Variants in SH3D19 observed in about 807,000 individuals in gnomAD.
SH3D19 encodes SH3 domain containing 19.
Under a neutral mutation model 112.1 loss-of-function variants are expected in SH3D19, and 58 were observed. The observed-to-expected ratio is 0.52, with a 90% CI of 0.42 to 0.64. The LOEUF is 0.64. Ranked by LOEUF, SH3D19 falls within the 30% of genes least tolerant of loss-of-function variation. SH3D19 has a pLI of 0.00. For synonymous variants in SH3D19, 391 were observed against 448.5 expected (o/e 0.87, Z 1.62); for missense variants, 1,090 against 1,263.4 (o/e 0.86, Z 2.08).
At chr4:151,132,298 C>A in intron 17 of SH3D19, 33 bp downstream of exon 17, 4 of 1,591,886 alleles carry the variant, frequency 2.5e-6, no homozygotes, top group Non-Finnish European at 3.4e-6. Context: ...CTGAACCTGG[C>A]TGTCACTATA....
chr4:151,207,262 T>C (rs535412465), intron 2 of SH3D19, among the ~76,000 whole-genome samples: 2 of 152,274 alleles, frequency 1.3e-5, no homozygotes, highest in Admixed American at 6.5e-5. Flanking sequence ...GCCTAGAGAA[T>C]CTACAAGAGG....
intron 1 of SH3D19, among the ~76,000 whole-genome samples, chr4:151,269,063 G>T (rs1030832837): frequency 1.4e-4 from 21 of 152,250 alleles, no homozygotes; most frequent in South Asian, 4.1e-4. Context: ...ACCAACAGTG[G>T]AAAAGTGTTC....
intron 1 of SH3D19, chr4:151,291,341 C>T: frequency 6.2e-7 from 1 of 1,613,924 alleles, no homozygotes; most frequent in Non-Finnish European, 8.5e-7. Context: ...CTGCGTCCCT[C>T]CTGTGCCTTT....
At chr4:151,290,689 G>A (rs571359329) in intron 1 of SH3D19, among the ~76,000 whole-genome samples, 4 of 152,116 alleles carry the variant, frequency 2.6e-5, no homozygotes, top group Admixed American at 2.6e-4. Context: ...TGACAGTAAA[G>A]CTGTTACAAA....
At chr4:151,183,930 C>T (rs1761333413) in intron 3 of SH3D19, among the ~76,000 whole-genome samples, 1 of 152,292 alleles carries the variant, frequency 6.6e-6, no homozygotes, top group South Asian at 2.1e-4. Context: ...GTTTCACTAC[C>T]ACATGTAAAA....
chr4:151,310,733 G>A (rs1412881070), intron 1 of SH3D19, among the ~76,000 whole-genome samples: 1 of 151,450 alleles, frequency 6.6e-6, no homozygotes, highest in South Asian at 2.1e-4. Flanking sequence ...CACAACACCT[G>A]GCTAATTTTT....
chr4:151,152,849 T>C (rs1755329818), intron 9 of SH3D19, among the ~76,000 whole-genome samples: 1 of 151,670 alleles, frequency 6.6e-6, no homozygotes, highest in Non-Finnish European at 1.5e-5. Flanking sequence ...CATATATATA[T>C]ATTTGAGACG....
chr4:151,298,663 G>A (rs1728031011), intron 1 of SH3D19, among the ~76,000 whole-genome samples: 1 of 152,048 alleles, frequency 6.6e-6, no homozygotes, highest in Non-Finnish European at 1.5e-5. Context: ...TTTGAATCAT[G>A]GACCCTCTTC....
chr4:151,318,318 A>AAG (rs1554071328), intron 1 of SH3D19, among the ~76,000 whole-genome samples: 7 of 149,892 alleles, frequency 4.7e-5, no homozygotes, highest in African/African-American at 1.7e-4. Context: ...AAAAAAAAAA[A>AAG]AAAGAAAGAA....
intron 2 of SH3D19, among the ~76,000 whole-genome samples, chr4:151,202,586 G>T (rs1463747124): frequency 1.3e-5 from 2 of 152,140 alleles, no homozygotes; most frequent in Non-Finnish European, 2.9e-5. Flanking sequence ...TATGCCAACT[G>T]TTTCTTGCGT....
At chr4:151,272,763 C>CTT (rs548803369) in intron 1 of SH3D19, among the ~76,000 whole-genome samples, 7 of 142,738 alleles carry the variant, frequency 4.9e-5, no homozygotes, top group Non-Finnish European at 6.2e-5. Context: ...TTTCACTTTT[C>CTT]TTTTTTTTTT....
chr4:151,170,991 T>C lies in SH3D19; in HGVS notation c.1534+3679A>G, dbSNP rs117672312. Among the ~76,000 whole-genome samples, 24 of 152,358 alleles carry C rather than the reference T, an allele frequency of 1.6e-4. No homozygotes were observed. In the East Asian group the frequency reaches 4.2e-3, roughly 27 times the overall value. ...TTGCATTTTTCACCTAATAATATCTTGGAGGTTGGTCCAAAGTAGGGGATA... is the reference window on the plus strand; with the variant it reads ...TTGCATTTTTCACCTAATAATATCTCGGAGGTTGGTCCAAAGTAGGGGATA... On this transcript the variant is annotated intron_variant, in intron 7 of 19. Transcript: ENST00000604030.
intron 1 of SH3D19, among the ~76,000 whole-genome samples, chr4:151,236,578 G>A (rs1437109459): frequency 6.6e-6 from 1 of 152,080 alleles, no homozygotes; most frequent in Non-Finnish European, 1.5e-5. Context: ...CTAGCTAAAG[G>A]GTTGTAAATG....
intron 1 of SH3D19, among the ~76,000 whole-genome samples, chr4:151,234,735 GTTTTTT>G (rs541665981): frequency 0.029 from 732 of 25,072 alleles, 10 homozygotes; most frequent in African/African-American, 0.065. Context: ...CCAAGTTTGT[GTTTTTT>G]TTTTTTTTTT....
In SH3D19 at chr4:151,291,502, A is replaced by G. The variant is rs747806254; in HGVS notation, c.112+33739T>C. 1.6e-4 allele frequency: 206 copies of G among 1,326,188 alleles called. 1 individual carries two copies. The highest frequency in any genetic ancestry group is 3.1e-4 in the South Asian group (22 of 70,502). 82.2% of individuals were successfully genotyped at this position (1,326,188 alleles called of 1,614,324 possible). ...CCTGGGTGACTTTATTTACAATTTGAAATGATTTTGTTTTTAAGGTTTTTG... is the reference window on the plus strand; with the variant it reads ...CCTGGGTGACTTTATTTACAATTTGGAATGATTTTGTTTTTAAGGTTTTTG... On this transcript the variant is annotated intron_variant, in intron 1 of 19. Coordinates refer to ENST00000604030, the MANE Select transcript of SH3D19 (RefSeq NM_001378122.1).
chr4:151,227,658 G>T, intron 1 of SH3D19: 1 of 727,048 alleles, frequency 1.4e-6, no homozygotes, highest in Non-Finnish European at 1.7e-6. Flanking sequence ...CCAGTTTTTA[G>T]CCTGCTAGCT....
chr4:151,124,880 C>A (rs1447805138), intron 19 of SH3D19, among the ~76,000 whole-genome samples: 1 of 152,024 alleles, frequency 6.6e-6, no homozygotes, highest in Admixed American at 6.6e-5. Context: ...ATGAAGATAA[C>A]CTGTTTTCTG....
chr4:151,208,909 C>T (rs886369628), intron 2 of SH3D19, among the ~76,000 whole-genome samples: 2 of 144,544 alleles, frequency 1.4e-5, no homozygotes, highest in Non-Finnish European at 3.0e-5. Flanking sequence ...GATCTCCTGA[C>T]CTTGTGATCC....
intron 1 of SH3D19, among the ~76,000 whole-genome samples, chr4:151,276,319 G>T (rs916634055): frequency 2.6e-5 from 4 of 152,152 alleles, no homozygotes; most frequent in African/African-American, 9.7e-5. Flanking sequence ...ATGTTGTGGT[G>T]TACCATCCAG....
Sources: allele counts gnomAD v4.1 joint callset (sites outside exome capture counted in the v4.1 genomes callset), GRCh38; gene constraint gnomAD v4.1.1; transcripts MANE v1.5; gene names NCBI Gene and HGNC (gene_info 2026-07-23, HGNC 2026-07-21).